BIRC6: variants seen among roughly 807,000 people sequenced by gnomAD.
The protein encoded by BIRC6 is dual E2 ubiquitin-conjugating enzyme/E3 ubiquitin-protein ligase BIRC6.
A neutral mutation model predicts 503.3 loss-of-function variants in BIRC6; 98 were observed. The observed-to-expected ratio is 0.19, with a 90% confidence interval of 0.17 to 0.23. The LOEUF is 0.23. Ranked by LOEUF, BIRC6 falls within the 10% of genes least tolerant of loss-of-function variation. BIRC6 has a pLI of 1.00. For synonymous variants in BIRC6, 2,240 were observed against 2,078.7 expected (o/e 1.08, Z -2.11); for missense variants, 5,360 against 5,806.0 (o/e 0.92, Z 2.50).
At chr2:32,490,008 GA>G in intron 42 of BIRC6, 32 bp from the exon 43 acceptor site, 2 of 1,437,540 alleles carry the variant, frequency 1.4e-6, no homozygotes, top group Non-Finnish European at 1.9e-6. Flanking sequence ...TTGTTTTTCT[GA>G]AAAATATTTT....
At position 32,412,851 on chromosome 2, in the gene BIRC6, C is replaced by G. The variant is rs147990818; in HGVS notation, c.1478-1918C>G. 8.0e-3 allele frequency among the ~76,000 whole-genome samples: 1,219 copies of G among 151,950 alleles called. 8 individuals carry two copies. Among genetic ancestry groups the G allele is most frequent in the Middle Eastern group, 0.02 (6 of 294 alleles). The stretch of plus-strand genomic sequence containing the variant: ...AAATGACAGATGCATAAGTAGTATT[C>G]TCTCTTTGGTTTAGAATTGAAGTGC... On this transcript the variant is annotated intron_variant, in intron 9 of 73. Coordinates refer to ENST00000421745, the MANE Select transcript of BIRC6 (RefSeq NM_016252.4).
chr2:32,425,915 T>TC (rs2043438271), intron 10 of BIRC6, among the ~76,000 whole-genome samples: 1 of 152,200 alleles, frequency 6.6e-6, no homozygotes, highest in African/African-American at 2.4e-5. Flanking sequence ...TGTGCCACTT[T>TC]CCCCCACAGC....
chr2:32,439,427 T>C (rs994028163), intron 15 of BIRC6, 81 bp from the exon 16 acceptor site: 1 of 1,346,262 alleles, frequency 7.4e-7, no homozygotes, highest in Non-Finnish European at 1.0e-6. Context: ...AGTTAGTTGT[T>C]GATCTTGTTC....
intron 61 of BIRC6, among the ~76,000 whole-genome samples, chr2:32,534,299 G>A (rs566612968): frequency 1.3e-5 from 2 of 150,498 alleles, no homozygotes; most frequent in East Asian, 2.0e-4. Context: ...GCTTGAACCC[G>A]GGAGGTGGAG....
At chr2:32,607,703 C>T in intron 72 of BIRC6, 60 bp downstream of exon 72, 1 of 1,391,678 alleles carries the variant, frequency 7.2e-7, no homozygotes. Flanking sequence ...ATAGGCTGGG[C>T]ATGGTGGCTC....
rs998526193 is a variant in BIRC6 at position 32,478,114 on chromosome 2, G to A, written c.7069-521G>A. Among the ~76,000 whole-genome samples, 11 of 151,924 alleles carry A rather than the reference G, an allele frequency of 7.2e-5. 1 individual carries two copies. The highest frequency in any genetic ancestry group is 2.4e-5 in the African/African-American group (1 of 41,342). On this transcript the variant is annotated intron_variant, in intron 35 of 73. Coordinates refer to ENST00000421745, the MANE Select transcript of BIRC6 (RefSeq NM_016252.4). ...CCAACACTTCGGGAGGCGGAGGGGC[G>A]GATCACAAGTTGAAGAGATTGAGAC... is the stretch of plus-strand genomic sequence containing the variant.
At chr2:32,378,306 CT>C (rs1479547768) in intron 2 of BIRC6, among the ~76,000 whole-genome samples, 16 of 152,064 alleles carry the variant, frequency 1.1e-4, no homozygotes, top group Non-Finnish European at 5.9e-5. Context: ...CTCAAATACT[CT>C]CTCATATAGC....
chr2:32,579,130 T>C (rs1008148699), intron 66 of BIRC6, among the ~76,000 whole-genome samples: 12 of 149,906 alleles, frequency 8.0e-5, no homozygotes, highest in Non-Finnish European at 1.8e-4. Flanking sequence ...TAGGTAGTGA[T>C]TGTGGTTGCA....
At chr2:32,584,287 C>T (rs999604917) in intron 66 of BIRC6, among the ~76,000 whole-genome samples, 4 of 152,064 alleles carry the variant, frequency 2.6e-5, no homozygotes, top group African/African-American at 7.2e-5. Flanking sequence ...CCCAGCCCTT[C>T]GGGAGGCCAA....
In BIRC6 at chr2:32,441,338, T is replaced by C; in HGVS notation, c.3820T>C (p.Ser1274Pro). 1.3e-6 allele frequency: 2 copies of C among 1,569,648 alleles called. No homozygotes were observed. Among genetic ancestry groups the C allele is most frequent in the Non-Finnish European group, 1.7e-6 (2 of 1,149,016 alleles). ...TATTTGTAATGTTTAGGAAAAATCA[T>C]CTAATGTTAAGAATGAAAATACAAG... ...AKVAAGKEKS[S>P]NVKNENTSGT... Residue 1274 changes from serine (S) to proline (P), a missense_variant, in exon 17 of 74, where the codon TCT becomes CCT. Physicochemically the swap from Ser to Pro is moderately conservative, Grantham distance 74. Transcript: ENST00000421745.
chr2:32,417,866 G>A (rs953784204), intron 10 of BIRC6, among the ~76,000 whole-genome samples: 1 of 152,098 alleles, frequency 6.6e-6, no homozygotes, highest in African/African-American at 2.4e-5. Context: ...TGCAACTTCT[G>A]CCTCCCAGGT....
In BIRC6 at chr2:32,358,367, G is replaced by C. The variant is rs988460808; in HGVS notation, c.325+881G>C. ...TGGCGTAAACCTTGGTCCAGGGACG[G>C]GACTTTCAGATGCGTGAGGTGTATG... On this transcript the variant is annotated intron_variant, in intron 1 of 73. Coordinates refer to ENST00000421745, the MANE Select transcript of BIRC6 (RefSeq NM_016252.4). 1.3e-4 allele frequency among the ~76,000 whole-genome samples: 20 copies of C among 152,210 alleles called. 1 individual carries two copies. The highest frequency in any genetic ancestry group is 3.3e-4 in the Admixed American group (5 of 15,278).
At chr2:32,450,712 C>G (rs1390959636) in intron 22 of BIRC6, among the ~76,000 whole-genome samples, 3 of 152,122 alleles carry the variant, frequency 2.0e-5, no homozygotes, top group African/African-American at 7.2e-5. Context: ...TCCAGGACTC[C>G]TCGCAGACAA....
rs115485674 is a variant in BIRC6 at position 32,395,635 on chromosome 2, G to A, written c.1034+42G>A. The A allele has an allele frequency of 9.6e-5, 142 of 1,484,334 alleles. No individual in the cohort carries two copies. The African/African-American group carries it at 1.8e-3, about 19-fold the overall frequency. The allele number at this position is 1,484,334 out of a possible 1,614,324, so 91.9% of individuals were successfully genotyped here. On this transcript the variant is annotated intron_variant, in intron 6 of 73. Transcript: ENST00000421745. ...CTGGGCATAATAGGCTAAGTCAGTC[G>A]TGTAAATAATGCTTCTAAATTTTAC...
chr2:32,442,257 T>C (rs1218301607), intron 18 of BIRC6, 31 bp downstream of exon 18: 1 of 1,605,176 alleles, frequency 6.2e-7, no homozygotes, highest in East Asian at 2.2e-5. Flanking sequence ...TTACCACTGT[T>C]GATTGCCTTT....
intron 65 of BIRC6, among the ~76,000 whole-genome samples, chr2:32,561,600 CATTTT>C (rs772542720): frequency 4.0e-5 from 6 of 151,312 alleles, no homozygotes; most frequent in Middle Eastern, 3.4e-3. Context: ...CGTTCGATTT[CATTTT>C]ATTTTGATTT....
chr2:32,398,871 A>G (rs1398153244), intron 6 of BIRC6, among the ~76,000 whole-genome samples: 1 of 152,120 alleles, frequency 6.6e-6, no homozygotes, highest in Non-Finnish European at 1.5e-5. Context: ...GCACTGTAAA[A>G]GGATTTAGGA....
At chr2:32,530,239 CTTT>C (rs2056619556) in intron 60 of BIRC6, among the ~76,000 whole-genome samples, 1 of 151,954 alleles carries the variant, frequency 6.6e-6, no homozygotes, top group East Asian at 1.9e-4. Context: ...GAGACAGAGT[CTTT>C]TTCTGTCTCC....
At chr2:32,386,089 C>T (rs1240798791) in intron 3 of BIRC6, among the ~76,000 whole-genome samples, 1 of 152,050 alleles carries the variant, frequency 6.6e-6, no homozygotes, top group Non-Finnish European at 1.5e-5. Context: ...ATGTAGTGGA[C>T]CATTATGTTG....
Sources: gnomAD v4.1 joint callset for allele counts (sites outside exome capture counted in the v4.1 genomes callset) on GRCh38, gnomAD v4.1.1 for gene constraint, MANE v1.5 for transcripts, NCBI Gene and HGNC (gene_info 2026-07-23, HGNC 2026-07-21) for gene names.